PIK3C2G: variants seen among roughly 807,000 people sequenced by gnomAD.
PIK3C2G encodes phosphatidylinositol-4-phosphate 3-kinase catalytic subunit type 2 gamma.
A neutral mutation model predicts 181.1 loss-of-function variants in PIK3C2G; 168 were observed. The ratio of observed to expected loss-of-function variants is 0.93; its 90% confidence interval spans 0.82 to 1.05. PIK3C2G has a LOEUF of 1.05. PIK3C2G is among the 50% of genes least tolerant of loss of function. The probability of loss-of-function intolerance (pLI) is 0.00; values close to 1 mark genes in which losing one functional copy is unlikely to be tolerated. For synonymous variants in PIK3C2G, 573 were observed against 592.2 expected (o/e 0.97, Z 0.47); for missense variants, 1,869 against 1,732.8 (o/e 1.08, Z -1.40).
At chr12:18,608,953 A>G (rs948623939) in intron 30 of PIK3C2G, among the ~76,000 whole-genome samples, 1 of 152,144 alleles carries the variant, frequency 6.6e-6, no homozygotes, top group African/African-American at 2.4e-5. Context: ...CAAAACGTTT[A>G]TATGAGTTTG....
intron 31 of PIK3C2G, among the ~76,000 whole-genome samples, chr12:18,625,811 A>G (rs935354598): frequency 1.3e-5 from 2 of 151,702 alleles, no homozygotes; most frequent in Non-Finnish European, 1.5e-5. Flanking sequence ...TTTAAAGTCT[A>G]TTTTGTCTGA....
intron 16 of PIK3C2G, among the ~76,000 whole-genome samples, chr12:18,418,259 C>A (rs1363128667): frequency 6.6e-6 from 1 of 152,076 alleles, no homozygotes; most frequent in Non-Finnish European, 1.5e-5. Flanking sequence ...TTACTAAGGA[C>A]TAACAGAGGC....
At chr12:18,426,908 G>A (rs73068516) in intron 18 of PIK3C2G, among the ~76,000 whole-genome samples, 1 of 152,240 alleles carries the variant, frequency 6.6e-6, no homozygotes, top group Non-Finnish European at 1.5e-5. Flanking sequence ...TACATTGACT[G>A]GCATGAGGCC....
chr12:18,321,995 T>TA (rs1951133183), intron 7 of PIK3C2G, among the ~76,000 whole-genome samples: 1 of 152,132 alleles, frequency 6.6e-6, no homozygotes, highest in Non-Finnish European at 1.5e-5. Flanking sequence ...GCTCAATACC[T>TA]AGGTGATGGG....
the PIK3C2G span, chr12:18,701,923 C>A: frequency 8.5e-7 from 1 of 1,178,246 alleles, no homozygotes; most frequent in Non-Finnish European, 1.2e-6. Flanking sequence ...CCCCTATTCA[C>A]ATCTCAGTAG....
the PIK3C2G span, chr12:18,688,145 A>G: frequency 6.2e-6 from 10 of 1,611,790 alleles, no homozygotes; most frequent in Non-Finnish European, 8.5e-6. Flanking sequence ...AACACCAAAA[A>G]CTTCTATAAT....
the PIK3C2G span, chr12:18,714,703 C>T: frequency 1.3e-5 from 2 of 152,092 alleles, no homozygotes; most frequent in Non-Finnish European, 2.9e-5. Context: ...CTTTGCCTCA[C>T]AGGAGGGATT....
intron 1 of PIK3C2G, among the ~76,000 whole-genome samples, chr12:18,252,461 A>C (rs1948104553): frequency 6.6e-6 from 1 of 152,174 alleles, no homozygotes; most frequent in Non-Finnish European, 1.5e-5. Flanking sequence ...CCTGTAATAA[A>C]AGATTAACAA....
chr12:18,613,136 T>C (rs1213841703), intron 31 of PIK3C2G, among the ~76,000 whole-genome samples: 1 of 152,112 alleles, frequency 6.6e-6, no homozygotes, highest in African/African-American at 2.4e-5. Flanking sequence ...CTTTCATTGA[T>C]GTCTACAATG....
At chr12:18,368,444 C>T (rs1056413640) in intron 12 of PIK3C2G, among the ~76,000 whole-genome samples, 11 of 152,088 alleles carry the variant, frequency 7.2e-5, no homozygotes, top group Non-Finnish European at 1.6e-4. Context: ...ATAAATAGAT[C>T]CAAATAGATC....
the PIK3C2G span, among the ~76,000 whole-genome samples, chr12:18,725,020 T>C: frequency 6.6e-6 from 1 of 152,148 alleles, no homozygotes; most frequent in Admixed American, 6.6e-5. Context: ...GTTGCCATCT[T>C]GTACTAAAAA....
the PIK3C2G span, among the ~76,000 whole-genome samples, chr12:18,674,645 G>C: frequency 6.6e-6 from 1 of 152,236 alleles, no homozygotes; most frequent in South Asian, 2.1e-4. Flanking sequence ...ATGAAACATG[G>C]TCACAAATTT....
chr12:18,510,221 G>A lies in PIK3C2G; in HGVS notation c.3323+4760G>A, dbSNP rs551410220. Among the ~76,000 whole-genome samples, 12 of 152,136 alleles carry A rather than the reference G, an allele frequency of 7.9e-5. No homozygotes were observed. The South Asian group carries it at 8.3e-4, about 11-fold the overall frequency. The stretch of plus-strand genomic sequence containing the variant: ...CCTAGGCTCAAACAATTTGGACCTC[G>A]GCCCAAAATGCTGGAATTATAGGCA... On this transcript the variant is annotated intron_variant, in intron 24 of 32. Transcript: ENST00000538779.
chr12:18,684,111 T>C, the PIK3C2G span: 4 of 1,610,010 alleles, frequency 2.5e-6, no homozygotes, highest in Non-Finnish European at 3.4e-6. Flanking sequence ...TACAATCATC[T>C]AACTTTTAGG....
At chr12:18,479,781 T>C (rs1293658946) in intron 18 of PIK3C2G, among the ~76,000 whole-genome samples, 1 of 152,118 alleles carries the variant, frequency 6.6e-6, no homozygotes, top group African/African-American at 2.4e-5. Context: ...ATATGGTGCT[T>C]TGCAAGGAGC....
chr12:18,374,594 C>A (rs1942306074), intron 13 of PIK3C2G, among the ~76,000 whole-genome samples: 1 of 152,192 alleles, frequency 6.6e-6, no homozygotes, highest in Admixed American at 6.5e-5. Flanking sequence ...CACCTCCCTT[C>A]CTGCTCTTAG....
the PIK3C2G span, among the ~76,000 whole-genome samples, chr12:18,656,932 C>T: frequency 6.6e-6 from 1 of 152,094 alleles, no homozygotes; most frequent in Non-Finnish European, 1.5e-5. Context: ...CTCCTGCTCC[C>T]AGCTCAACTT....
At chr12:18,378,510 G>A (rs1280441544) in intron 13 of PIK3C2G, among the ~76,000 whole-genome samples, 1 of 152,156 alleles carries the variant, frequency 6.6e-6, no homozygotes. Context: ...AGCCAAAATT[G>A]ACAAATGGGA....
At chr12:18,563,008 A>G (rs1056087217) in intron 27 of PIK3C2G, 116 bp downstream of exon 27, 34 of 701,890 alleles carry the variant, frequency 4.8e-5, no homozygotes, top group Non-Finnish European at 7.3e-5. Context: ...CAAATGAAAA[A>G]TAATTTACAA....
Sources: allele counts gnomAD v4.1 joint callset (sites outside exome capture counted in the v4.1 genomes callset), GRCh38; gene constraint gnomAD v4.1.1; transcripts MANE v1.5; gene names NCBI Gene and HGNC (gene_info 2026-07-23, HGNC 2026-07-21).